The following SLC7A1 variants were observed in gnomAD, a reference collection of about 807,000 sequenced individuals.
The protein encoded by SLC7A1 is solute carrier family 7 member 1.
SLC7A1 carries 10 observed loss-of-function variants against 53.9 expected under a neutral mutation model. The ratio of observed to expected loss-of-function variants is 0.19; its 90% CI spans 0.11 to 0.31. The LOEUF (loss-of-function observed/expected upper bound fraction) is 0.31, where lower values mean the gene tolerates loss of function less well. Among genes scored for constraint, SLC7A1 ranks in the 10% least tolerant of loss-of-function variants. The probability of loss-of-function intolerance (pLI) is 1.00; values close to 1 mark genes in which losing one functional copy is unlikely to be tolerated. For synonymous variants in SLC7A1, 342 were observed against 338.7 expected, an observed-to-expected ratio of 1.01 and a Z score of -0.11; for missense variants, 525 against 827.2, an observed-to-expected ratio of 0.63 and a Z score of 4.48.
chr13:29,521,382 T>C (rs1868622008), intron 8 of SLC7A1, among the ~76,000 whole-genome samples: 1 of 152,226 alleles, frequency 6.6e-6, no homozygotes, highest in Non-Finnish European at 1.5e-5. Context: ...TCACATGCCC[T>C]AATTTGCCAA....
At chr13:29,533,080 C>T in intron 3 of SLC7A1, 98 bp from the exon 4 acceptor site, 1 of 1,223,926 alleles carries the variant, frequency 8.2e-7, no homozygotes, top group Non-Finnish European at 1.1e-6. Flanking sequence ...GCAGGAGTCA[C>T]CGACGGTGCA....
At chr13:29,585,631 C>T (rs751694415) in intron 1 of SLC7A1, among the ~76,000 whole-genome samples, 7 of 152,086 alleles carry the variant, frequency 4.6e-5, no homozygotes, top group Non-Finnish European at 1.0e-4. Context: ...TAGTCCCATC[C>T]CAAACAGCCC....
intron 2 of SLC7A1, among the ~76,000 whole-genome samples, chr13:29,537,615 G>A (rs1055887942): frequency 1.3e-5 from 2 of 152,138 alleles, no homozygotes; most frequent in African/African-American, 4.8e-5. Flanking sequence ...TAAGATACAC[G>A]TTCCTAATGG....
At chr13:29,529,418 A>T (rs981040796) in intron 5 of SLC7A1, among the ~76,000 whole-genome samples, 2 of 152,146 alleles carry the variant, frequency 1.3e-5, no homozygotes, top group Admixed American at 1.3e-4. Flanking sequence ...TTGCAGCTCT[A>T]TGTGGCCCCC....
At chr13:29,594,046 G>A (rs1359168199) in intron 1 of SLC7A1, among the ~76,000 whole-genome samples, 1 of 152,160 alleles carries the variant, frequency 6.6e-6, no homozygotes, top group African/African-American at 2.4e-5. Context: ...AATAACAGGA[G>A]GGTGTGTTCA....
At chr13:29,586,910 A>G (rs1397096138) in intron 1 of SLC7A1, 3 of 152,210 alleles carry the variant, frequency 2.0e-5, no homozygotes, top group Non-Finnish European at 2.9e-5. Flanking sequence ...AGGAAAGGAA[A>G]TGTTTGCACT....
chr13:29,561,736 C>T (rs982225227), intron 1 of SLC7A1, among the ~76,000 whole-genome samples: 1 of 152,190 alleles, frequency 6.6e-6, no homozygotes, highest in African/African-American at 2.4e-5. Flanking sequence ...CAGGCATCAC[C>T]GAAGAATCCA....
intron 9 of SLC7A1, among the ~76,000 whole-genome samples, chr13:29,518,538 G>A (rs883055): frequency 0.082 from 12,537 of 152,202 alleles, 1,576 homozygotes; most frequent in East Asian, 0.65. Flanking sequence ...GGATTCACTT[G>A]TGCAACCCCA....
chr13:29,593,700 G>T (rs1170125008), intron 1 of SLC7A1, among the ~76,000 whole-genome samples: 1 of 151,822 alleles, frequency 6.6e-6, no homozygotes, highest in East Asian at 1.9e-4. Context: ...CAAAGAATGA[G>T]TTCTTCTACC....
intron 1 of SLC7A1, among the ~76,000 whole-genome samples, chr13:29,579,527 A>AT (rs1566276454): frequency 6.6e-6 from 1 of 152,082 alleles, no homozygotes; most frequent in Non-Finnish European, 1.5e-5. Flanking sequence ...TGCCTGGCTA[A>AT]TTTTTTTATA....
chr13:29,519,781 G>A (rs538095641), intron 8 of SLC7A1, among the ~76,000 whole-genome samples: 10 of 151,044 alleles, frequency 6.6e-5, no homozygotes, highest in African/African-American at 2.4e-4. Flanking sequence ...ATTAACATTT[G>A]TATAGAGAAT....
chr13:29,523,632 G>A (rs1868740465), intron 6 of SLC7A1, 144 bp from the exon 7 acceptor site: 3 of 645,702 alleles, frequency 4.6e-6, no homozygotes, highest in Non-Finnish European at 8.2e-6. Context: ...TGTGGGCACT[G>A]GGGCCTCCTG....
chr13:29,576,214 C>CGA (rs1261903047), intron 1 of SLC7A1, among the ~76,000 whole-genome samples: 1 of 147,138 alleles, frequency 6.8e-6, no homozygotes, highest in African/African-American at 2.5e-5. Flanking sequence ...ATTGCTTCAA[C>CGA]CCAGGAGGTC....
In SLC7A1 at chr13:29,514,464, G is replaced by A. The variant is rs1396793440; in HGVS notation, c.*16C>T. On this transcript the variant is annotated 3_prime_UTR_variant, in exon 13 of 13. Coordinates refer to ENST00000380752, the MANE Select transcript of SLC7A1 (RefSeq NM_003045.5). Reference sequence around the variant, plus strand: ...CCCTCGGGGCTGCTGCCACCTCCGGGGGGCGGGGCTGTGCGTCACTTGCAC... The same window carrying A: ...CCCTCGGGGCTGCTGCCACCTCCGGAGGGCGGGGCTGTGCGTCACTTGCAC... 1.3e-6 allele frequency: 2 copies of A among 1,597,352 alleles called. No homozygotes were observed. The highest frequency in any genetic ancestry group is 2.2e-5 in the East Asian group (1 of 44,770).
chr13:29,594,975 G>T (rs1035250640), intron 1 of SLC7A1, among the ~76,000 whole-genome samples: 1 of 151,880 alleles, frequency 6.6e-6, no homozygotes, highest in African/African-American at 2.4e-5. Flanking sequence ...TCTGCACCGC[G>T]CCATGTAAGG....
chr13:29,524,736 T>C (rs1456931256), intron 5 of SLC7A1, among the ~76,000 whole-genome samples: 1 of 152,218 alleles, frequency 6.6e-6, no homozygotes, highest in Non-Finnish European at 1.5e-5. Flanking sequence ...AGCAAAGGCA[T>C]TCCTTAACTG....
rs139596154 is a variant in SLC7A1, at chr13:29,551,595, G to A, written c.-15+2166C>T. ...TTAGGCTATTCACTCAGGTGTCAAC[G>A]CCCAGCCCCAGTGTTAGGTAACACC... On this transcript the variant is annotated intron_variant, in intron 2 of 12. Coordinates refer to ENST00000380752, the MANE Select transcript of SLC7A1 (RefSeq NM_003045.5). Among the ~76,000 whole-genome samples, 152 of 152,268 alleles carry A rather than the reference G, an allele frequency of 1.0e-3. No individual in the cohort carries two copies. In the East Asian group the frequency reaches 0.026, roughly 26 times the overall value.
intron 1 of SLC7A1, among the ~76,000 whole-genome samples, chr13:29,589,489 G>C (rs978484508): frequency 6.6e-6 from 1 of 152,244 alleles, no homozygotes; most frequent in Non-Finnish European, 1.5e-5. Context: ...ACCGGCTCCT[G>C]ACACTGGCCA....
At chr13:29,594,575 A>G (rs1348588901) in intron 1 of SLC7A1, among the ~76,000 whole-genome samples, 2 of 152,340 alleles carry the variant, frequency 1.3e-5, no homozygotes, top group East Asian at 1.9e-4. Context: ...TGACCTGCCC[A>G]TGCCTGGGAA....
Sources: allele counts gnomAD v4.1 joint callset (sites outside exome capture counted in the v4.1 genomes callset), GRCh38; gene constraint gnomAD v4.1.1; transcripts MANE v1.5; gene names NCBI Gene and HGNC (gene_info 2026-07-23, HGNC 2026-07-21).